The following TSHZ2 variants were observed in gnomAD, a reference collection of about 807,000 sequenced individuals.
TSHZ2 encodes teashirt homolog 2.
In TSHZ2, 21 loss-of-function variants were observed where a neutral mutation model predicts 74.4. That is an observed-to-expected ratio of 0.28 (90% CI 0.20 to 0.41). The LOEUF (loss-of-function observed/expected upper bound fraction) is 0.41. TSHZ2 is among the 10% of genes least tolerant of loss of function. The pLI is 1.00. For missense variants in TSHZ2, 1,244 were observed against 1,293.5 expected (o/e 0.96, Z 0.59); for synonymous variants, 540 against 515.3 (o/e 1.05, Z -0.65).
chr20:53,274,776 G>A (rs1282417075), intron 2 of TSHZ2, among the ~76,000 whole-genome samples: 1 of 152,142 alleles, frequency 6.6e-6, no homozygotes, highest in Admixed American at 6.6e-5. Context: ...TTCCTCGCTA[G>A]CGCTCTTTCT....
chr20:53,344,241 A>T (rs1980346962), intron 2 of TSHZ2, among the ~76,000 whole-genome samples: 1 of 152,120 alleles, frequency 6.6e-6, no homozygotes, highest in African/African-American at 2.4e-5. Flanking sequence ...CATCCCCATT[A>T]TCATCACTGT....
chr20:53,019,368 T>C (rs1372915320), intron 1 of TSHZ2, among the ~76,000 whole-genome samples: 1 of 152,204 alleles, frequency 6.6e-6, no homozygotes, highest in African/African-American at 2.4e-5. Flanking sequence ...CTATCCTATA[T>C]GGCAATAATT....
chr20:53,385,813 GC>G (rs898688853), intron 2 of TSHZ2, among the ~76,000 whole-genome samples: 2 of 152,046 alleles, frequency 1.3e-5, no homozygotes, highest in African/African-American at 4.8e-5. Context: ...GCAAGAAGGA[GC>G]CTGGAACTTT....
At chr20:53,414,429 A>G (rs150823859) in intron 2 of TSHZ2, among the ~76,000 whole-genome samples, 2 of 152,158 alleles carry the variant, frequency 1.3e-5, no homozygotes, top group East Asian at 3.9e-4. Flanking sequence ...AGACCAGCCT[A>G]GACAATATAG....
chr20:53,355,999 G>C (rs897111290), intron 2 of TSHZ2, among the ~76,000 whole-genome samples: 1 of 152,176 alleles, frequency 6.6e-6, no homozygotes. Context: ...TGAGTATGTT[G>C]AGCAAAGTTT....
chr20:53,385,038 G>A (rs897381527), intron 2 of TSHZ2, among the ~76,000 whole-genome samples: 1 of 152,026 alleles, frequency 6.6e-6, no homozygotes, highest in Non-Finnish European at 1.5e-5. Flanking sequence ...GGAGAATGGC[G>A]TGAACCCGGG....
chr20:53,033,650 G>GAT (rs553637999), intron 1 of TSHZ2, among the ~76,000 whole-genome samples: 1 of 60,548 alleles, frequency 1.7e-5, no homozygotes, highest in Non-Finnish European at 3.1e-5. Flanking sequence ...TTGATAAAAA[G>GAT]CTTTTTTTTT....
chr20:53,432,434 T>C (rs1178105239), intron 2 of TSHZ2, among the ~76,000 whole-genome samples: 1 of 152,256 alleles, frequency 6.6e-6, no homozygotes, highest in Non-Finnish European at 1.5e-5. Context: ...GTGATAAACA[T>C]ACATGTGCAG....
chr20:53,094,988 G>A (rs1568756479), intron 1 of TSHZ2, among the ~76,000 whole-genome samples: 1 of 152,140 alleles, frequency 6.6e-6, no homozygotes, highest in Non-Finnish European at 1.5e-5. Context: ...GGTAATGAAA[G>A]TTATGACCTC....
chr20:53,034,925 C>A (rs1187622993), intron 1 of TSHZ2, among the ~76,000 whole-genome samples: 1 of 152,208 alleles, frequency 6.6e-6, no homozygotes, highest in Non-Finnish European at 1.5e-5. Flanking sequence ...GTCTCACTTC[C>A]TTTTCAAGGT....
chr20:53,219,440 C>A (rs1246021754), intron 1 of TSHZ2, among the ~76,000 whole-genome samples: 1 of 152,154 alleles, frequency 6.6e-6, no homozygotes, highest in Non-Finnish European at 1.5e-5. Context: ...AAATTTGTAA[C>A]TACTGCATAG....
chr20:53,130,711 TAGGAG>T (rs1987078932), intron 1 of TSHZ2, among the ~76,000 whole-genome samples: 1 of 152,190 alleles, frequency 6.6e-6, no homozygotes, highest in African/African-American at 2.4e-5. Flanking sequence ...GCAGTGTGGT[TAGGAG>T]AGAAGATCTC....
At chr20:53,157,096 C>G (rs1218029572) in intron 1 of TSHZ2, among the ~76,000 whole-genome samples, 1 of 152,198 alleles carries the variant, frequency 6.6e-6, no homozygotes, top group Admixed American at 6.5e-5. Flanking sequence ...CGTATCTGCC[C>G]TTTGAAACTC....
chr20:53,407,374 A>G (rs1982890814), intron 2 of TSHZ2, among the ~76,000 whole-genome samples: 1 of 152,160 alleles, frequency 6.6e-6, no homozygotes, highest in African/African-American at 2.4e-5. Context: ...TCCTATCACA[A>G]GTGGCTCAAT....
intron 1 of TSHZ2, among the ~76,000 whole-genome samples, chr20:53,089,760 A>T (rs1985818774): frequency 6.6e-6 from 1 of 152,256 alleles, no homozygotes. Flanking sequence ...GTCTACATGA[A>T]GAACAAGAAA....
chr20:53,474,716 T>G (rs1275221374), intron 2 of TSHZ2, among the ~76,000 whole-genome samples: 1 of 122,474 alleles, frequency 8.2e-6, no homozygotes, highest in Admixed American at 8.4e-5. Context: ...GACTGGCAAA[T>G]TGGATAAAGA....
At chr20:53,203,757 T>C (rs1393554585) in intron 1 of TSHZ2, among the ~76,000 whole-genome samples, 1 of 152,074 alleles carries the variant, frequency 6.6e-6, no homozygotes, top group Non-Finnish European at 1.5e-5. Flanking sequence ...TAGGTCTTGG[T>C]AATTCGTTTG....
chr20:53,440,399 C>T (rs1984265525), intron 2 of TSHZ2, among the ~76,000 whole-genome samples: 1 of 152,248 alleles, frequency 6.6e-6, no homozygotes, highest in Non-Finnish European at 1.5e-5. Flanking sequence ...GGAATTGTCA[C>T]CCATTTCTGA....
intron 2 of TSHZ2, among the ~76,000 whole-genome samples, chr20:53,332,472 G>C (rs1440765106): frequency 1.3e-5 from 2 of 152,064 alleles, no homozygotes; most frequent in East Asian, 3.9e-4. Context: ...AGGCCCTGTG[G>C]CTTTTTAAGG....
Sources: gnomAD v4.1 joint callset for allele counts (sites outside exome capture counted in the v4.1 genomes callset) on GRCh38, gnomAD v4.1.1 for gene constraint, MANE v1.5 for transcripts, NCBI Gene and HGNC (gene_info 2026-07-23, HGNC 2026-07-21) for gene names.